NFIX: variants seen among roughly 807,000 people sequenced by gnomAD.
NFIX encodes the protein nuclear factor 1 X-type.
NFIX carries 2 observed loss-of-function variants against 53.3 expected under a neutral mutation model. The observed-to-expected ratio is 0.04, with a 90% CI of 0.02 to 0.12. The LOEUF is 0.12. Among genes scored for constraint, NFIX ranks in the 10% least tolerant of loss-of-function variants. NFIX has a pLI of 1.00. For missense variants in NFIX, 310 were observed against 674.5 expected, an observed-to-expected ratio of 0.46 and a Z score of 5.99; for synonymous variants, 244 against 289.0, an observed-to-expected ratio of 0.84 and a Z score of 1.58.
intron 8 of NFIX, among the ~76,000 whole-genome samples, chr19:13,084,536 T>C (rs548778238): frequency 4.0e-4 from 61 of 152,272 alleles, no homozygotes; most frequent in African/African-American, 1.5e-3. Flanking sequence ...CCTTGGACCC[T>C]AGGGTAATAA....
At chr19:12,997,670 A>C (rs2011519281) in intron 1 of NFIX, among the ~76,000 whole-genome samples, 1 of 152,168 alleles carries the variant, frequency 6.6e-6, no homozygotes, top group Non-Finnish European at 1.5e-5. Flanking sequence ...CCCCTTGCCC[A>C]CCAGGCTGCC....
chr19:13,033,034 G>C (rs897338507), intron 2 of NFIX, among the ~76,000 whole-genome samples: 1 of 152,208 alleles, frequency 6.6e-6, no homozygotes, highest in African/African-American at 2.4e-5. Flanking sequence ...GTGAGGGGGG[G>C]CTCACAGGGC....
At chr19:13,080,872 C>T (rs1376239080) in intron 7 of NFIX, among the ~76,000 whole-genome samples, 3 of 151,928 alleles carry the variant, frequency 2.0e-5, no homozygotes, top group East Asian at 1.9e-4. Flanking sequence ...TGGTGGTGGG[C>T]GCCTGTAGTC....
In NFIX at chr19:13,040,832, T is replaced by G. The variant is rs1372329407; in HGVS notation, c.559+15280T>G. On this transcript the variant is annotated intron_variant, in intron 2 of 10. Transcript: ENST00000592199. This position sits in a 1 kb window ranked among gnomAD's most constrained non-coding sequence, Gnocchi z 4.2. ...TTGATTCTGCTGCCGCTGCTGTACCTTTGCTTGCCTCGGATCTTAGAACTG... is the reference window on the plus strand; with the variant it reads ...TTGATTCTGCTGCCGCTGCTGTACCGTTGCTTGCCTCGGATCTTAGAACTG... Among the ~76,000 whole-genome samples, 1 of 152,216 alleles carries G rather than the reference T, an allele frequency of 6.6e-6. No individual in the cohort carries two copies. Among genetic ancestry groups the G allele is most frequent in the East Asian group, 1.9e-4 (1 of 5,200 alleles).
In NFIX at chr19:13,067,848, G is replaced by A. The variant is rs1246402802; in HGVS notation, c.560-5199G>A. 3.9e-5 allele frequency among the ~76,000 whole-genome samples: 6 copies of A among 152,086 alleles called. No individual in the cohort carries two copies. The highest frequency in any genetic ancestry group is 1.5e-4 in the African/African-American group (6 of 41,378). On this transcript the variant is annotated intron_variant, in intron 2 of 10. Coordinates refer to ENST00000592199, the MANE Select transcript of NFIX (RefSeq NM_001365902.3). The surrounding 1 kb of genome is among the most constrained non-coding windows in gnomAD (Gnocchi z 4.2). ...CATCCGGGCACGGTGGCTCACGCCT[G>A]TAATCCCAGCACTTTGGGAGGCTGA...
Position 13,002,051 on chromosome 19 carries a change from G to A in NFIX, c.27+6187G>A, listed in dbSNP as rs564424907. 4.6e-5 allele frequency among the ~76,000 whole-genome samples: 7 copies of A among 152,282 alleles called. No individual in the cohort carries two copies. Among genetic ancestry groups the A allele is most frequent in the Middle Eastern group, 3.4e-3 (1 of 294 alleles). On this transcript the variant is annotated intron_variant, in intron 1 of 10. Transcript: ENST00000592199. The surrounding 1 kb of genome is among the most constrained non-coding windows in gnomAD (Gnocchi z 6.1). Reference sequence around the variant, plus strand: ...TTCTAGCCTGGCCAGCTGGGTGTCCGGCTGTCTCCGTGGGCCTGAGCCCAC... The same window carrying A: ...TTCTAGCCTGGCCAGCTGGGTGTCCAGCTGTCTCCGTGGGCCTGAGCCCAC...
chr19:13,062,119 G>A (rs1436465506), intron 2 of NFIX, among the ~76,000 whole-genome samples: 1 of 152,208 alleles, frequency 6.6e-6, no homozygotes, highest in African/African-American at 2.4e-5. Flanking sequence ...AGGCCTGCGA[G>A]AGAGTGCTCT....
chr19:13,041,793 CAAAA>C (rs755429201), intron 2 of NFIX, among the ~76,000 whole-genome samples: 157 of 103,364 alleles, frequency 1.5e-3, no homozygotes, highest in Non-Finnish European at 2.7e-3. Flanking sequence ...GACTCCGTCT[CAAAA>C]AAAAAAAAAA....
intron 2 of NFIX, among the ~76,000 whole-genome samples, chr19:13,035,031 C>T (rs562463368): frequency 6.6e-6 from 1 of 152,236 alleles, no homozygotes; most frequent in African/African-American, 2.4e-5. Context: ...ATCAGTTGCA[C>T]CTCCCTCCCC....
intron 1 of NFIX, among the ~76,000 whole-genome samples, chr19:13,016,765 C>T (rs979548014): frequency 6.6e-6 from 1 of 151,880 alleles, no homozygotes; most frequent in Non-Finnish European, 1.5e-5. Flanking sequence ...CTTTCGCCCT[C>T]TCTGTCTTCC....
chr19:13,048,873 G>A (rs1257295550), intron 2 of NFIX, among the ~76,000 whole-genome samples: 1 of 152,156 alleles, frequency 6.6e-6, no homozygotes, highest in East Asian at 1.9e-4. Context: ...AGGAGTTCGA[G>A]ACCAGCCTGG....
chr19:13,035,009 G>A (rs1362687991), intron 2 of NFIX, among the ~76,000 whole-genome samples: 1 of 152,140 alleles, frequency 6.6e-6, no homozygotes, highest in Non-Finnish European at 1.5e-5. Context: ...CTCTGGCCTT[G>A]ACCCGCTAGA....
At chr19:13,017,472 G>A (rs1056929463) in intron 1 of NFIX, among the ~76,000 whole-genome samples, 5 of 152,222 alleles carry the variant, frequency 3.3e-5, no homozygotes, top group African/African-American at 1.2e-4. Flanking sequence ...GGGGTGCCAG[G>A]CCGATCTGAG....
chr19:12,999,653 G>A (rs535046541), intron 1 of NFIX, among the ~76,000 whole-genome samples: 3 of 152,136 alleles, frequency 2.0e-5, no homozygotes, highest in Non-Finnish European at 4.4e-5. Context: ...AGCGACCTAC[G>A]CCCATTTTCC....
At position 13,043,563 on chromosome 19, in the gene NFIX, C is replaced by T. The variant is rs1473467130; in HGVS notation, c.559+18011C>T. Among the ~76,000 whole-genome samples, 4 of 152,240 alleles carry T rather than the reference C, an allele frequency of 2.6e-5. No individual in the cohort carries two copies. Among genetic ancestry groups the T allele is most frequent in the African/African-American group, 7.2e-5 (3 of 41,458 alleles). ...GGCCCCTGGGGCTGCCAAGGTCGCA[C>T]ATGTCCTCCCAGGACTTGAAGGGGG... On this transcript the variant is annotated intron_variant, in intron 2 of 10. Transcript: ENST00000592199. This position sits in a 1 kb window ranked among gnomAD's most constrained non-coding sequence, Gnocchi z 4.0.
chr19:13,042,355 CTTT>C (rs35785662), intron 2 of NFIX, among the ~76,000 whole-genome samples: 6 of 100,566 alleles, frequency 6.0e-5, no homozygotes, highest in Non-Finnish European at 5.6e-5. Context: ...CTTTTACATG[CTTT>C]TTTTTTTTTT....
chr19:13,057,426 C>T (rs534181092), intron 2 of NFIX, among the ~76,000 whole-genome samples: 230 of 152,234 alleles, frequency 1.5e-3, no homozygotes, highest in Non-Finnish European at 2.6e-3. Flanking sequence ...AACAATTTGC[C>T]GCTGCCAGCC....
chr19:13,068,848 C>A lies in NFIX; in HGVS notation c.560-4199C>A, dbSNP rs8113263. ...CCCAGGTCCCCAGAGAAGGACAGCC[C>A]GCAGAGCTGCGTGTTTGTGTGACAC... On this transcript the variant is annotated intron_variant, in intron 2 of 10. Coordinates refer to ENST00000592199, the MANE Select transcript of NFIX (RefSeq NM_001365902.3). This position sits in a 1 kb window ranked among gnomAD's most constrained non-coding sequence, Gnocchi z 4.2. Among the ~76,000 whole-genome samples, 15,962 of 152,220 alleles carry A rather than the reference C, an allele frequency of 0.1. 1,597 individuals are homozygous for A. The highest frequency in any genetic ancestry group is 0.26 in the African/African-American group (10,726 of 41,496).
At chr19:13,085,153 C>T (rs1324045726) in intron 8 of NFIX, among the ~76,000 whole-genome samples, 2 of 151,984 alleles carry the variant, frequency 1.3e-5, no homozygotes, top group African/African-American at 4.8e-5. Context: ...TTTTAAGGCA[C>T]TGCACAGTCA....
Sources: gnomAD v4.1 joint callset for allele counts (sites outside exome capture counted in the v4.1 genomes callset) on GRCh38, gnomAD v4.1.1 for gene constraint, Gnocchi (gnomAD v3.1) non-coding constraint, MANE v1.5 for transcripts, NCBI Gene and HGNC (gene_info 2026-07-23, HGNC 2026-07-21) for gene names.